RARS2: variants seen among roughly 807,000 people sequenced by gnomAD.
RARS2 encodes the protein probable arginine--tRNA ligase, mitochondrial.
Under a neutral mutation model 88.5 loss-of-function variants are expected in RARS2, and 67 were observed. That is an observed-to-expected ratio of 0.76 (90% confidence interval 0.62 to 0.93). RARS2 has a LOEUF of 0.93. RARS2 is among the 40% of genes least tolerant of loss of function. RARS2 has a pLI of 0.00. For missense variants in RARS2, 664 were observed against 684.2 expected, an observed-to-expected ratio of 0.97 and a Z score of 0.33; for synonymous variants, 239 against 230.3, an observed-to-expected ratio of 1.04 and a Z score of -0.34.
At chr6:87,556,740 C>T (rs1342497405) in intron 4 of RARS2, among the ~76,000 whole-genome samples, 2 of 141,006 alleles carry the variant, frequency 1.4e-5, no homozygotes, top group South Asian at 2.2e-4. Flanking sequence ...TGCAGTAAGC[C>T]GAGATCGCGC....
At chr6:87,542,581 TTGAC>T (rs928550465) in intron 7 of RARS2, among the ~76,000 whole-genome samples, 22 of 151,942 alleles carry the variant, frequency 1.4e-4, no homozygotes, top group Admixed American at 5.9e-4. Flanking sequence ...AATCTTTAAT[TTGAC>T]TGTGTATAAT....
chr6:87,576,636 T>A, intron 1 of RARS2, among the ~76,000 whole-genome samples: 1 of 152,150 alleles, frequency 6.6e-6, no homozygotes, highest in African/African-American at 2.4e-5. Flanking sequence ...CAGAGATGGG[T>A]ACTCTCGGGA....
At chr6:87,521,584 T>G in intron 11 of RARS2, 60 bp from the exon 12 acceptor site, 2 of 1,335,016 alleles carry the variant, frequency 1.5e-6, no homozygotes, top group Non-Finnish European at 2.2e-6. Context: ...TAATTGGTCT[T>G]ACCTATTTAA....
intron 8 of RARS2, among the ~76,000 whole-genome samples, 173 bp downstream of exon 8, chr6:87,541,745 A>C (rs1582507401): frequency 6.6e-6 from 1 of 152,170 alleles, no homozygotes; most frequent in East Asian, 1.9e-4. Flanking sequence ...AATTGCTTGA[A>C]CCCAGGAGGC....
chr6:87,519,208 G>GTGTGTGTGTGTGTATATATA (rs1210109506), intron 14 of RARS2: 98 of 257,706 alleles, frequency 3.8e-4, no homozygotes, highest in African/African-American at 8.8e-4. Context: ...GTGTGTGTGT[G>GTGTGTGTGTGTGTATATATA]TATATATATA....
chr6:87,545,209 G>C (rs529552300), intron 7 of RARS2, among the ~76,000 whole-genome samples: 34 of 152,094 alleles, frequency 2.2e-4, no homozygotes, highest in Admixed American at 2.0e-4. Context: ...TCAGGCTTCC[G>C]AGTAGCTAGG....
At chr6:87,575,033 A>C (rs1770956315) in intron 1 of RARS2, among the ~76,000 whole-genome samples, 1 of 151,906 alleles carries the variant, frequency 6.6e-6, no homozygotes, top group African/African-American at 2.4e-5. Context: ...ACAGGAAGGA[A>C]GGAAGGTAGA....
chr6:87,550,175 A>G (rs761861005), intron 5 of RARS2, among the ~76,000 whole-genome samples: 79 of 152,348 alleles, frequency 5.2e-4, no homozygotes, highest in Non-Finnish European at 6.3e-4. Flanking sequence ...CTTAAAAAAA[A>G]ACCTTCCATT....
intron 16 of RARS2, 169 bp downstream of exon 16, chr6:87,518,459 CAT>C: frequency 7.4e-7 from 1 of 1,350,994 alleles, no homozygotes; most frequent in Non-Finnish European, 1.0e-6. Flanking sequence ...GTATTTCTAA[CAT>C]AGGTGCTCAA....
chr6:87,581,204 T>C (rs144780391), intron 1 of RARS2, among the ~76,000 whole-genome samples: 333 of 152,230 alleles, frequency 2.2e-3, no homozygotes, highest in African/African-American at 7.1e-3. Context: ...TCTGTGAAAA[T>C]TGCATAAAAA....
At chr6:87,526,509 C>T (rs910564311) in intron 10 of RARS2, among the ~76,000 whole-genome samples, 2 of 137,594 alleles carry the variant, frequency 1.5e-5, no homozygotes, top group Non-Finnish European at 3.2e-5. Flanking sequence ...AAGCCAGACC[C>T]TGTCTTAAAA....
At chr6:87,587,684 A>G (rs950464179) in intron 1 of RARS2, among the ~76,000 whole-genome samples, 1 of 152,242 alleles carries the variant, frequency 6.6e-6, no homozygotes, top group African/African-American at 2.4e-5. Flanking sequence ...TAATACTTCT[A>G]TATCACAGGG....
chr6:87,582,147 A>G (rs1486461314), intron 1 of RARS2, among the ~76,000 whole-genome samples: 3 of 152,130 alleles, frequency 2.0e-5, no homozygotes, highest in African/African-American at 7.2e-5. Flanking sequence ...GGGCCAGATG[A>G]TATTTCTGGT....
intron 4 of RARS2, 144 bp downstream of exon 4, chr6:87,562,558 G>A (rs1582710458): frequency 1.5e-6 from 1 of 683,284 alleles, no homozygotes. Context: ...TTAACTTGGG[G>A]TGGTACTCTC....
At chr6:87,549,307 G>T (rs550769623) in intron 5 of RARS2, among the ~76,000 whole-genome samples, 43 of 151,890 alleles carry the variant, frequency 2.8e-4, no homozygotes, top group South Asian at 4.1e-4. Flanking sequence ...AGTGAGCCGA[G>T]ATCACGACAT....
At chr6:87,552,626 A>T (rs11966278) in intron 5 of RARS2, among the ~76,000 whole-genome samples, 3 of 152,240 alleles carry the variant, frequency 2.0e-5, no homozygotes, top group Admixed American at 6.5e-5. Context: ...GATATTTTTT[A>T]AAAGCATAAA....
At chr6:87,575,718 C>T (rs562692122) in intron 1 of RARS2, among the ~76,000 whole-genome samples, 16 of 151,902 alleles carry the variant, frequency 1.1e-4, no homozygotes, top group East Asian at 9.6e-4. Flanking sequence ...AAAACTTCCA[C>T]GAAATAAAGA....
At chr6:87,586,809 T>A (rs1045385999) in intron 1 of RARS2, among the ~76,000 whole-genome samples, 3 of 152,186 alleles carry the variant, frequency 2.0e-5, no homozygotes, top group African/African-American at 7.2e-5. Flanking sequence ...ACTTTTGAAT[T>A]TTTTCAGATT....
intron 7 of RARS2, among the ~76,000 whole-genome samples, chr6:87,543,266 G>A (rs570237915): frequency 1.3e-5 from 2 of 152,110 alleles, no homozygotes; most frequent in Admixed American, 1.3e-4. Flanking sequence ...TCCCGCCATT[G>A]CATTCCAGCC....
Sources: allele counts gnomAD v4.1 joint callset (sites outside exome capture counted in the v4.1 genomes callset), GRCh38; gene constraint gnomAD v4.1.1; transcripts MANE v1.5; gene names NCBI Gene and HGNC (gene_info 2026-07-23, HGNC 2026-07-21).